The following NT5DC1 variants were observed in gnomAD, a reference collection of about 807,000 sequenced individuals.
NT5DC1 encodes 5'-nucleotidase domain-containing protein 1.
In NT5DC1, 42 loss-of-function variants were observed where a neutral mutation model predicts 59.4. The observed-to-expected ratio is 0.71, with a 90% CI of 0.55 to 0.92. The LOEUF is 0.92. Among genes scored for constraint, NT5DC1 ranks in the 40% least tolerant of loss-of-function variants. The pLI is 0.00. For missense variants in NT5DC1, 501 were observed against 537.1 expected (o/e 0.93, Z 0.66); for synonymous variants, 172 against 188.1 (o/e 0.91, Z 0.70).
intron 8 of NT5DC1, among the ~76,000 whole-genome samples, chr6:116,231,412 C>G (rs1416367840): frequency 6.6e-6 from 1 of 151,972 alleles, no homozygotes; most frequent in East Asian, 1.9e-4. Flanking sequence ...GAAAGGAATC[C>G]TAGAAATAAA....
chr6:116,191,907 TC>T (rs1249453043), intron 6 of NT5DC1, among the ~76,000 whole-genome samples: 1 of 152,026 alleles, frequency 6.6e-6, no homozygotes, highest in Non-Finnish European at 1.5e-5. Context: ...ATAAATCAAA[TC>T]AGTTTTGCTG....
rs1049179295 is a variant in NT5DC1, at chr6:116,220,426, C to T, written c.530-628C>T. On this transcript the variant is annotated intron_variant, in intron 6 of 11. Coordinates refer to ENST00000319550, the MANE Select transcript of NT5DC1 (RefSeq NM_152729.3). ...TCTAAAGGGGCAGAGCAAGCAACCCCGCTTCAGTGATGCGAGTCATTCATT... is the reference window on the plus strand; with the variant it reads ...TCTAAAGGGGCAGAGCAAGCAACCCTGCTTCAGTGATGCGAGTCATTCATT... Among the ~76,000 whole-genome samples the T allele has an allele frequency of 4.6e-5, 7 of 152,158 alleles. No homozygotes were observed. In the East Asian group the frequency reaches 9.6e-4, roughly 21 times the overall value.
chr6:116,137,625 CA>C (rs1779644137), intron 6 of NT5DC1: 2 of 210,294 alleles, frequency 9.5e-6, no homozygotes, highest in Admixed American at 4.2e-5. Flanking sequence ...TAGTGGGAAA[CA>C]AAAGTCCCAC....
chr6:116,237,008 C>G lies in NT5DC1; in HGVS notation c.845C>G (p.Pro282Arg). 1 of 1,612,418 alleles carries G rather than the reference C, an allele frequency of 6.2e-7. No homozygotes were observed. ...GAGGCACTGCCATCTCTGGATAAACCTGGCTGGTACTCCCAAGGGAACGCT... is the reference window on the plus strand; with the variant it reads ...GAGGCACTGCCATCTCTGGATAAACGTGGCTGGTACTCCCAAGGGAACGCT... Reference protein sequence around the residue: ...EQEALPSLDKPGWYSQGNAVH... With the variant: ...EQEALPSLDKRGWYSQGNAVH... Residue 282 changes from proline (P) to arginine (R), a missense_variant, in exon 9 of 12, where the codon CCT becomes CGT. Pro to Arg is a moderately radical substitution (Grantham distance 103). Coordinates refer to ENST00000319550, the MANE Select transcript of NT5DC1 (RefSeq NM_152729.3).
intron 6 of NT5DC1, among the ~76,000 whole-genome samples, chr6:116,160,213 C>A (rs1445075374): frequency 2.0e-5 from 3 of 152,180 alleles, no homozygotes; most frequent in East Asian, 3.8e-4. Context: ...AAGTGTTTAA[C>A]TAATTTACAT....
At chr6:116,155,820 T>C (rs528529886) in intron 6 of NT5DC1, among the ~76,000 whole-genome samples, 88 of 151,054 alleles carry the variant, frequency 5.8e-4, no homozygotes, top group African/African-American at 2.1e-3. Flanking sequence ...TTCCAGGGTA[T>C]ATGTTTTTTA....
Position 116,108,151 on chromosome 6 carries a change from G to A in NT5DC1, c.186-213G>A, listed in dbSNP as rs372181809. On this transcript the variant is annotated intron_variant, in intron 2 of 11. Coordinates refer to ENST00000319550, the MANE Select transcript of NT5DC1 (RefSeq NM_152729.3). ...TTTACAAACTAAATATGCTGTCCTT[G>A]TTTACCTATATAACAATTTTCCTTT... Among the ~76,000 whole-genome samples, 5 of 152,184 alleles carry A rather than the reference G, an allele frequency of 3.3e-5. No homozygotes were observed. In the East Asian group the frequency reaches 9.6e-4, roughly 29 times the overall value.
intron 6 of NT5DC1, among the ~76,000 whole-genome samples, chr6:116,160,154 G>T (rs1486889083): frequency 6.6e-6 from 1 of 151,862 alleles, no homozygotes; most frequent in East Asian, 1.9e-4. Context: ...CTGGATCAAA[G>T]GGTAGTTCTA....
intron 11 of NT5DC1, among the ~76,000 whole-genome samples, chr6:116,240,519 G>A (rs1471856956): frequency 1.3e-5 from 2 of 152,094 alleles, no homozygotes; most frequent in African/African-American, 4.8e-5. Context: ...CAGTTACTGA[G>A]GGGCATCTGT....
At chr6:116,204,484 G>A (rs1781409134) in intron 6 of NT5DC1, among the ~76,000 whole-genome samples, 1 of 151,922 alleles carries the variant, frequency 6.6e-6, no homozygotes, top group African/African-American at 2.4e-5. Flanking sequence ...ATGAGAGTGT[G>A]GGGTAAGTGT....
intron 6 of NT5DC1, among the ~76,000 whole-genome samples, chr6:116,203,133 C>A (rs1410352876): frequency 6.6e-6 from 1 of 151,780 alleles, no homozygotes; most frequent in Admixed American, 6.6e-5. Context: ...TTGAACAAAC[C>A]AAATTACCAA....
chr6:116,228,382 C>A (rs779446684), intron 8 of NT5DC1, among the ~76,000 whole-genome samples: 1 of 152,142 alleles, frequency 6.6e-6, no homozygotes, highest in South Asian at 2.1e-4. Context: ...GTGGCACATG[C>A]CTGTAATCCC....
intron 4 of NT5DC1, among the ~76,000 whole-genome samples, chr6:116,114,476 G>A (rs901550473): frequency 1.6e-5 from 2 of 124,588 alleles, no homozygotes; most frequent in Non-Finnish European, 3.2e-5. Flanking sequence ...CCCAGTCAAC[G>A]CTAAAGAACA....
chr6:116,144,499 C>CAAA (rs542743486), intron 6 of NT5DC1, among the ~76,000 whole-genome samples: 1 of 125,034 alleles, frequency 8.0e-6, no homozygotes. Context: ...GACTCCGTCT[C>CAAA]AAAAAAAAAA....
rs1302558131 is a variant in NT5DC1 at position 116,106,321 on chromosome 6, G to T, written c.171G>T (p.Glu57Asp). Residue 57 changes from glutamate to aspartate, a missense_variant, in exon 2 of 12, where the codon GAG (glutamate) becomes GAT (aspartate). Transcript: ENST00000319550. ...AGGAATTGCTCAATGTGACCCCAGAGGATTGGGATTTCTGGTAAGTTCTTT... is the reference window on the plus strand; with the variant it reads ...AGGAATTGCTCAATGTGACCCCAGATGATTGGGATTTCTGGTAAGTTCTTT... The part of the protein sequence containing the change: ...YDKELLNVTP[E>D]DWDFCCKGLA... The T allele has an allele frequency of 1.3e-6, 2 of 1,508,754 alleles. No homozygotes were observed. The highest frequency in any genetic ancestry group is 1.2e-5 in the South Asian group (1 of 85,704). The allele number at this position is 1,508,754 out of a possible 1,614,324, so 93.5% of individuals were successfully genotyped here.
At position 116,120,636 on chromosome 6, in the gene NT5DC1, G is replaced by A; in HGVS notation, c.529+2691G>A. ...CCAGAGTGGCCTCTTGGACCTGGAG[G>A]CCCTGGTGGCCCGGTGGGTCCATTG... On this transcript the variant is annotated intron_variant, in intron 6 of 11. Coordinates refer to ENST00000319550, the MANE Select transcript of NT5DC1 (RefSeq NM_152729.3). 2 of 1,550,532 alleles carry A rather than the reference G, an allele frequency of 1.3e-6. No individual in the cohort carries two copies.
intron 6 of NT5DC1, among the ~76,000 whole-genome samples, chr6:116,135,610 A>G (rs1779570839): frequency 6.6e-6 from 1 of 151,634 alleles, no homozygotes; most frequent in Non-Finnish European, 1.5e-5. Context: ...TGCACGAGCT[A>G]TATTTAATAT....
At chr6:116,126,962 T>C (rs1410212763) in intron 6 of NT5DC1, among the ~76,000 whole-genome samples, 1 of 152,302 alleles carries the variant, frequency 6.6e-6, no homozygotes, top group East Asian at 1.9e-4. Context: ...AGTTAGACTC[T>C]GTTTAACAAT....
At chr6:116,209,879 G>A (rs1218308820) in intron 6 of NT5DC1, among the ~76,000 whole-genome samples, 4 of 151,854 alleles carry the variant, frequency 2.6e-5, no homozygotes, top group African/African-American at 7.3e-5. Flanking sequence ...GCTTCTGAAC[G>A]CAAGTTATTT....
Sources: allele counts gnomAD v4.1 joint callset (sites outside exome capture counted in the v4.1 genomes callset), GRCh38; gene constraint gnomAD v4.1.1; transcripts MANE v1.5; gene names NCBI Gene and HGNC (gene_info 2026-07-23, HGNC 2026-07-21).